The following PPP1R37 variants were observed in gnomAD, a reference collection of about 807,000 sequenced individuals.
PPP1R37 encodes protein phosphatase 1 regulatory subunit 37, also known as leucine rich repeat containing 68.
Under a neutral mutation model 61.0 loss-of-function variants are expected in PPP1R37, and 21 were observed. The observed-to-expected ratio is 0.34, with a 90% CI of 0.24 to 0.50. The LOEUF (loss-of-function observed/expected upper bound fraction) is 0.50. PPP1R37 is among the 20% of genes least tolerant of loss of function. The pLI is 0.98. For missense variants in PPP1R37, 910 were observed against 952.7 expected, an observed-to-expected ratio of 0.96 and a Z score of 0.59; for synonymous variants, 443 against 433.5, an observed-to-expected ratio of 1.02 and a Z score of -0.27.
intron 1 of PPP1R37, among the ~76,000 whole-genome samples, chr19:45,118,492 C>T (rs538353539): frequency 1.3e-5 from 2 of 150,506 alleles, no homozygotes; most frequent in East Asian, 3.9e-4. Flanking sequence ...TCTTCTTTGT[C>T]TTGGGTTGGG....
At chr19:45,127,924 G>A (rs1264860328) in intron 1 of PPP1R37, among the ~76,000 whole-genome samples, 2 of 147,486 alleles carry the variant, frequency 1.4e-5, no homozygotes, top group African/African-American at 5.1e-5. Context: ...GCAGTGAGCC[G>A]AGATCGTGCC....
At chr19:45,128,170 G>A (rs1351527967) in intron 1 of PPP1R37, among the ~76,000 whole-genome samples, 1 of 152,070 alleles carries the variant, frequency 6.6e-6, no homozygotes, top group Non-Finnish European at 1.5e-5. Context: ...CTTTGGCTTT[G>A]CCAGCTCACC....
chr19:45,113,104 T>A (rs746256090), intron 1 of PPP1R37, among the ~76,000 whole-genome samples: 1 of 152,188 alleles, frequency 6.6e-6, no homozygotes, highest in African/African-American at 2.4e-5. Flanking sequence ...TGTGCAGGGC[T>A]GGGGATGTGC....
intron 1 of PPP1R37, among the ~76,000 whole-genome samples, chr19:45,106,092 C>A (rs1968126353): frequency 6.6e-6 from 1 of 152,140 alleles, no homozygotes; most frequent in Non-Finnish European, 1.5e-5. Context: ...CCAGTGCAGT[C>A]AAAAGAATCC....
intron 1 of PPP1R37, among the ~76,000 whole-genome samples, chr19:45,114,415 C>A (rs1408675816): frequency 6.6e-6 from 1 of 152,230 alleles, no homozygotes; most frequent in Non-Finnish European, 1.5e-5. Flanking sequence ...CCCAGCCCTC[C>A]TGGTGTCTGG....
At chr19:45,106,088 C>T (rs1162973806) in intron 1 of PPP1R37, among the ~76,000 whole-genome samples, 1 of 152,156 alleles carries the variant, frequency 6.6e-6, no homozygotes, top group African/African-American at 2.4e-5. Context: ...CCTTCCAGTG[C>T]AGTCAAAAGA....
chr19:45,123,965 T>G (rs1968371385), intron 1 of PPP1R37, among the ~76,000 whole-genome samples: 2 of 151,982 alleles, frequency 1.3e-5, no homozygotes, highest in African/African-American at 4.8e-5. Context: ...AGATGTGAGC[T>G]TCTCCTCTGT....
chr19:45,103,610 G>T lies in PPP1R37; in HGVS notation c.202+10083G>T, dbSNP rs117489414. Among the ~76,000 whole-genome samples the T allele has an allele frequency of 3.5e-3, 536 of 152,124 alleles. 14 individuals carry two copies. In the East Asian group the frequency reaches 0.051, roughly 15 times the overall value. ...AGCACTGTCACAGCTGAACTCGCTT[G>T]GTTCCCCAGGACAACAGGGAGGGAG... On this transcript the variant is annotated intron_variant, in intron 1 of 12. Transcript: ENST00000221462.
intron 1 of PPP1R37, among the ~76,000 whole-genome samples, chr19:45,110,304 C>T (rs758428243): frequency 8.6e-5 from 13 of 151,830 alleles, no homozygotes; most frequent in Non-Finnish European, 1.5e-4. Flanking sequence ...TTTGTAGAGA[C>T]GGGGTTTCCC....
intron 1 of PPP1R37, among the ~76,000 whole-genome samples, chr19:45,123,445 G>A (rs557801265): frequency 2.6e-5 from 4 of 152,340 alleles, no homozygotes; most frequent in Non-Finnish European, 5.9e-5. Flanking sequence ...CAGCCTCCCT[G>A]TCTTGAAGTT....
At chr19:45,125,795 TG>T (rs1968397363) in intron 1 of PPP1R37, among the ~76,000 whole-genome samples, 2 of 152,162 alleles carry the variant, frequency 1.3e-5, no homozygotes, top group Admixed American at 1.3e-4. Flanking sequence ...TGAGAGAGAT[TG>T]GGTGACCAAG....
intron 8 of PPP1R37, chr19:45,144,606 A>G (rs1968659078): frequency 1.8e-5 from 9 of 506,572 alleles, no homozygotes; most frequent in Non-Finnish European, 6.9e-6. Context: ...TGTGGGGGGT[A>G]GGGACTGACT....
intron 1 of PPP1R37, among the ~76,000 whole-genome samples, chr19:45,107,477 G>T (rs1424781139): frequency 1.3e-5 from 2 of 152,110 alleles, no homozygotes; most frequent in Middle Eastern, 3.2e-3. Flanking sequence ...GGTGGCTCAT[G>T]CCTGTAGTCC....
intron 1 of PPP1R37, among the ~76,000 whole-genome samples, chr19:45,117,114 T>C (rs979512418): frequency 4.6e-5 from 7 of 152,066 alleles, no homozygotes; most frequent in Non-Finnish European, 1.0e-4. Flanking sequence ...GGTTTCACCA[T>C]ATTGGTCAGG....
chr19:45,111,611 T>C (rs982153152), intron 1 of PPP1R37, among the ~76,000 whole-genome samples: 6 of 152,186 alleles, frequency 3.9e-5, no homozygotes, highest in African/African-American at 1.4e-4. Context: ...ATGTATGTAA[T>C]GTACATGTAA....
At chr19:45,120,014 C>CTTTTTTTTTTTTTT (rs11312138) in intron 1 of PPP1R37, among the ~76,000 whole-genome samples, 17 of 83,566 alleles carry the variant, frequency 2.0e-4, no homozygotes, top group African/African-American at 5.4e-4. Flanking sequence ...TTTTCCCCTT[C>CTTTTTTTTTTTTTT]TTTTTTTTTT....
At chr19:45,140,366 G>A in intron 3 of PPP1R37, 85 bp downstream of exon 3, 1 of 1,402,606 alleles carries the variant, frequency 7.1e-7, no homozygotes, top group Non-Finnish European at 9.7e-7. Flanking sequence ...ACCTGCCTGG[G>A]GTTAGCGGCT....
chr19:45,133,361 G>A (rs1968501634), intron 1 of PPP1R37, among the ~76,000 whole-genome samples: 1 of 152,242 alleles, frequency 6.6e-6, no homozygotes, highest in Admixed American at 6.5e-5. Flanking sequence ...TGGGATTACA[G>A]GCGTGAGCCA....
chr19:45,105,373 C>T lies in PPP1R37; in HGVS notation c.202+11846C>T, dbSNP rs561369897. Among the ~76,000 whole-genome samples, 4 of 152,186 alleles carry T rather than the reference C, an allele frequency of 2.6e-5. No homozygotes were observed. In the East Asian group the frequency reaches 5.8e-4, roughly 22 times the overall value. Reference sequence around the variant, plus strand: ...GGGGGTCATAGGCCAGGATGCTTGCCCTCTCTGTGGGGCAGGATGGTGCCC... The same window carrying T: ...GGGGGTCATAGGCCAGGATGCTTGCTCTCTCTGTGGGGCAGGATGGTGCCC... On this transcript the variant is annotated intron_variant, in intron 1 of 12. Coordinates refer to ENST00000221462, the MANE Select transcript of PPP1R37 (RefSeq NM_019121.2).
Sources: allele counts gnomAD v4.1 joint callset (sites outside exome capture counted in the v4.1 genomes callset), GRCh38; gene constraint gnomAD v4.1.1; transcripts MANE v1.5; gene names NCBI Gene and HGNC (gene_info 2026-07-23, HGNC 2026-07-21).